The following GRIK2 variants were observed in gnomAD, a reference collection of about 807,000 sequenced individuals.
GRIK2 encodes the protein glutamate receptor ionotropic, kainate 2.
Under a neutral mutation model 100.3 loss-of-function variants are expected in GRIK2, and 32 were observed. The ratio of observed to expected loss-of-function variants is 0.32; its 90% CI spans 0.24 to 0.43. The LOEUF (loss-of-function observed/expected upper bound fraction) is 0.43, where lower values mean the gene tolerates loss of function less well. Among genes scored for constraint, GRIK2 ranks in the 20% least tolerant of loss-of-function variants. GRIK2 has a pLI of 1.00. For missense variants in GRIK2, 843 were observed against 1,114.9 expected, an observed-to-expected ratio of 0.76 and a Z score of 3.47; for synonymous variants, 417 against 389.4, an observed-to-expected ratio of 1.07 and a Z score of -0.83.
chr6:101,808,576 T>G (rs1456739941), intron 9 of GRIK2, among the ~76,000 whole-genome samples: 1 of 152,008 alleles, frequency 6.6e-6, no homozygotes, highest in Non-Finnish European at 1.5e-5. Context: ...ATTATTCTTG[T>G]GTACTTCTCT....
intron 4 of GRIK2, among the ~76,000 whole-genome samples, chr6:101,642,527 T>C (rs1339375979): frequency 6.6e-6 from 1 of 151,798 alleles, no homozygotes; most frequent in African/African-American, 2.4e-5. Flanking sequence ...CTTAAAATAG[T>C]ATTTTCAAGG....
chr6:101,501,110 A>G (rs1773725229), intron 2 of GRIK2, among the ~76,000 whole-genome samples: 1 of 152,102 alleles, frequency 6.6e-6, no homozygotes, highest in Non-Finnish European at 1.5e-5. Context: ...AAATCCCTTG[A>G]CAAGCATATA....
chr6:102,003,776 A>G (rs970964497), intron 14 of GRIK2, among the ~76,000 whole-genome samples: 1 of 151,774 alleles, frequency 6.6e-6, no homozygotes, highest in Non-Finnish European at 1.5e-5. Context: ...ACCAATAAGT[A>G]TCTAATAATT....
intron 9 of GRIK2, among the ~76,000 whole-genome samples, chr6:101,816,873 GC>G (rs1243304067): frequency 1.3e-5 from 2 of 152,086 alleles, no homozygotes; most frequent in African/African-American, 4.8e-5. Flanking sequence ...GGAACATGCA[GC>G]CCCAAGGCAC....
At chr6:101,792,423 C>T (rs1362821251) in intron 7 of GRIK2, among the ~76,000 whole-genome samples, 10 of 151,908 alleles carry the variant, frequency 6.6e-5, no homozygotes, top group Admixed American at 5.9e-4. Flanking sequence ...AATCTCTCAG[C>T]ATTTGCTTGT....
At chr6:101,632,897 A>T (rs1388342201) in intron 4 of GRIK2, among the ~76,000 whole-genome samples, 2 of 152,092 alleles carry the variant, frequency 1.3e-5, no homozygotes, top group African/African-American at 4.8e-5. Context: ...AGGATGGAGA[A>T]GAGTTTTAGA....
chr6:101,569,624 T>C (rs1777439722), intron 2 of GRIK2, among the ~76,000 whole-genome samples: 1 of 152,026 alleles, frequency 6.6e-6, no homozygotes, highest in Non-Finnish European at 1.5e-5. Context: ...ATACCTCATA[T>C]ATGTTACCCA....
intron 12 of GRIK2, among the ~76,000 whole-genome samples, chr6:101,912,367 T>G (rs1356167980): frequency 6.6e-6 from 1 of 151,472 alleles, no homozygotes; most frequent in Non-Finnish European, 1.5e-5. Context: ...TACTTAGCAT[T>G]AATAAGTGTG....
intron 2 of GRIK2, among the ~76,000 whole-genome samples, chr6:101,482,778 A>T (rs1468035507): frequency 6.6e-6 from 1 of 152,118 alleles, no homozygotes; most frequent in Non-Finnish European, 1.5e-5. Flanking sequence ...TCATTGACTC[A>T]GTATGACTTA....
intron 7 of GRIK2, among the ~76,000 whole-genome samples, chr6:101,792,650 T>G (rs934216862): frequency 3.3e-5 from 5 of 152,294 alleles, no homozygotes; most frequent in South Asian, 2.1e-4. Flanking sequence ...ATTTTTTCCT[T>G]CATTTCAACT....
chr6:101,477,484 G>A (rs892420793), intron 2 of GRIK2, among the ~76,000 whole-genome samples: 2 of 152,052 alleles, frequency 1.3e-5, no homozygotes, highest in Non-Finnish European at 2.9e-5. Context: ...TTCTTTGATT[G>A]GGTGGCTACG....
At chr6:101,810,548 G>T (rs1048296679) in intron 9 of GRIK2, among the ~76,000 whole-genome samples, 2 of 152,042 alleles carry the variant, frequency 1.3e-5, no homozygotes, top group South Asian at 2.1e-4. Context: ...CTGAAGGTCA[G>T]CCAATTTCCA....
chr6:101,453,116 A>G (rs2128249795), intron 2 of GRIK2, among the ~76,000 whole-genome samples: 1 of 152,000 alleles, frequency 6.6e-6, no homozygotes, highest in South Asian at 2.1e-4. Flanking sequence ...CATTTCAGTG[A>G]TCTCCAATAG....
chr6:101,450,339 T>G (rs998279510), intron 2 of GRIK2, among the ~76,000 whole-genome samples: 1 of 151,578 alleles, frequency 6.6e-6, no homozygotes, highest in Non-Finnish European at 1.5e-5. Context: ...AGTTGAGGAG[T>G]GAACCTTATT....
intron 2 of GRIK2, among the ~76,000 whole-genome samples, chr6:101,517,690 T>C (rs1774657007): frequency 6.6e-6 from 1 of 152,156 alleles, no homozygotes; most frequent in African/African-American, 2.4e-5. Context: ...ATTTGACTTT[T>C]AGGCCTCTGC....
intron 14 of GRIK2, among the ~76,000 whole-genome samples, chr6:101,961,208 T>TC (rs1273601675): frequency 6.6e-6 from 1 of 152,062 alleles, no homozygotes; most frequent in Non-Finnish European, 1.5e-5. Context: ...AACTGAGGGT[T>TC]CCAGCAAATC....
intron 16 of GRIK2, chr6:102,065,811 G>T: frequency 1.3e-6 from 2 of 1,522,018 alleles, no homozygotes; most frequent in Middle Eastern, 1.7e-4. Context: ...CCAAGACTAA[G>T]TTACCTCAAG....
At chr6:101,964,402 C>A (rs1249191561) in intron 14 of GRIK2, among the ~76,000 whole-genome samples, 1 of 151,972 alleles carries the variant, frequency 6.6e-6, no homozygotes, top group Non-Finnish European at 1.5e-5. Flanking sequence ...GTTTTAAGAG[C>A]CTCTAGCTAT....
Position 102,055,419 on chromosome 6 carries a change from G to C in GRIK2, c.2401G>C (p.Gly801Arg). The change falls in exon 16 of 17, where the codon GGC becomes CGC. Residue 801 changes from glycine to arginine, a missense_variant. Transcript: ENST00000369134. ...TATGATGAAGGAGAAATGGTGGAGG[G>C]GCAATGGTTGCCCAGAAGAGGAGAG... ...LHMMKEKWWR[G>R]NGCPEEESKE... 1 of 1,613,498 alleles carries C rather than the reference G, an allele frequency of 6.2e-7. No homozygotes were observed. The highest frequency in any genetic ancestry group is 8.5e-7 in the Non-Finnish European group (1 of 1,179,526).
Sources: allele counts gnomAD v4.1 joint callset (sites outside exome capture counted in the v4.1 genomes callset), GRCh38; gene constraint gnomAD v4.1.1; transcripts MANE v1.5; gene names NCBI Gene and HGNC (gene_info 2026-07-23, HGNC 2026-07-21).